Variants in DENND3 observed in about 807,000 individuals in gnomAD.
DENND3 encodes DENN domain-containing protein 3.
A neutral mutation model predicts 135.1 loss-of-function variants in DENND3; 88 were observed. The observed-to-expected ratio is 0.65, with a 90% CI of 0.55 to 0.78. The LOEUF (loss-of-function observed/expected upper bound fraction) is 0.78, where lower values mean the gene tolerates loss of function less well. Ranked by LOEUF, DENND3 falls within the 30% of genes least tolerant of loss-of-function variation. DENND3 has a pLI of 0.00. For synonymous variants in DENND3, 693 were observed against 712.3 expected (o/e 0.97, Z 0.43); for missense variants, 1,392 against 1,688.4 (o/e 0.82, Z 3.08).
At position 141,182,678 on chromosome 8, in the gene DENND3, GAAGCT is replaced by G; in HGVS notation, c.2944+1825_2944+1829del. Among the ~76,000 whole-genome samples, 1 of 152,360 alleles carries G rather than the reference GAAGCT, an allele frequency of 6.6e-6. No homozygotes were observed. The highest frequency in any genetic ancestry group is 1.9e-4 in the East Asian group (1 of 5,188). ...TGCCGATTCTGGAAGGGGTGGCCGA[GAAGCT>G]GGTAGCCGAGCAGGGCTTTTGCAAG... On this transcript the variant is annotated intron_variant, in intron 17 of 22. Transcript: ENST00000519811. The surrounding 1 kb of genome is among the most constrained non-coding windows in gnomAD (Gnocchi z 5.9).
chr8:141,171,431 A>G (rs1202067951), intron 13 of DENND3, among the ~76,000 whole-genome samples: 3 of 152,250 alleles, frequency 2.0e-5, no homozygotes, highest in Non-Finnish European at 4.4e-5. Flanking sequence ...CACCTCCAGC[A>G]TGGCCGTGCA....
intron 5 of DENND3, among the ~76,000 whole-genome samples, chr8:141,147,181 A>G (rs765027016): frequency 6.6e-6 from 1 of 151,876 alleles, no homozygotes; most frequent in Non-Finnish European, 1.5e-5. Flanking sequence ...CAGTTTGCCC[A>G]TTTCCTTGCT....
At chr8:141,153,737 G>GA (rs556571928) in intron 7 of DENND3, among the ~76,000 whole-genome samples, 6 of 152,274 alleles carry the variant, frequency 3.9e-5, no homozygotes, top group Non-Finnish European at 7.3e-5. Context: ...CAGACGAGGA[G>GA]AAAATAAGCT....
At chr8:141,143,275 A>AT (rs922067683) in intron 4 of DENND3, among the ~76,000 whole-genome samples, 8 of 151,982 alleles carry the variant, frequency 5.3e-5, no homozygotes, top group African/African-American at 1.4e-4. Context: ...TTTTTTTTAA[A>AT]TTTTTTTTTA....
chr8:141,182,592 AG>A lies in DENND3; in HGVS notation c.2944+1740del, dbSNP rs776063067. ...GGCTTCCCCTCCAGGAGCATCTCGA[AG>A]GCCTGCAGAGAGCGTGCAAAGCAGC... On this transcript the variant is annotated intron_variant, in intron 17 of 22. Transcript: ENST00000519811. This position sits in a 1 kb window ranked among gnomAD's most constrained non-coding sequence, Gnocchi z 5.9. 2 of 676,490 alleles carry A rather than the reference AG, an allele frequency of 3.0e-6. No individual in the cohort carries two copies. The highest frequency in any genetic ancestry group is 3.6e-6 in the Non-Finnish European group (2 of 548,846). 41.9% of individuals were successfully genotyped at this position (676,490 alleles called of 1,614,324 possible).
rs143479242 is a variant in DENND3 at position 141,174,858 on chromosome 8, C to T, written c.2276-342C>T. Among the ~76,000 whole-genome samples, 1 of 152,166 alleles carries T rather than the reference C, an allele frequency of 6.6e-6. No individual in the cohort carries two copies. Among genetic ancestry groups the T allele is most frequent in the Non-Finnish European group, 1.5e-5 (1 of 68,034 alleles). On this transcript the variant is annotated intron_variant, in intron 13 of 22. Transcript: ENST00000519811. The surrounding 1 kb of genome is among the most constrained non-coding windows in gnomAD (Gnocchi z 4.6). ...CTAGTGATGAGGAAGGTCTTTGCCC[C>T]CATTAGAAGAGTGTCCTTGTCCGGA...
At chr8:141,185,544 A>G in intron 18 of DENND3, 1 of 382,212 alleles carries the variant, frequency 2.6e-6, no homozygotes, top group Non-Finnish European at 4.8e-6. Context: ...CCATCTAAAA[A>G]TAGATTGCAG....
At chr8:141,131,721 A>G (rs1422774037) in intron 1 of DENND3, among the ~76,000 whole-genome samples, 2 of 152,362 alleles carry the variant, frequency 1.3e-5, no homozygotes, top group African/African-American at 2.4e-5. Flanking sequence ...CTGTGACTCA[A>G]GTAAATTAGA....
chr8:141,173,750 C>T (rs562595685), intron 13 of DENND3: 1 of 152,378 alleles, frequency 6.6e-6, no homozygotes, highest in Non-Finnish European at 1.5e-5. Flanking sequence ...AGGTACTCCC[C>T]TTTCAAGCAG....
chr8:141,182,002 T>G lies in DENND3; in HGVS notation c.2944+1148T>G, dbSNP rs915147284. ...AGAGACGGGGTTTCGCCATGTTGCC[T>G]AGGCTGATCTCGAACTCCTGGGCTC... On this transcript the variant is annotated intron_variant, in intron 17 of 22. Transcript: ENST00000519811. This position sits in a 1 kb window ranked among gnomAD's most constrained non-coding sequence, Gnocchi z 5.9. 6.6e-6 allele frequency among the ~76,000 whole-genome samples: 1 copy of G among 150,696 alleles called. No individual in the cohort carries two copies. The highest frequency in any genetic ancestry group is 2.4e-5 in the African/African-American group (1 of 40,872).
chr8:141,156,246 C>T lies in DENND3; in HGVS notation c.1196+276C>T, dbSNP rs143756240. 7.3e-3 allele frequency among the ~76,000 whole-genome samples: 1,113 copies of T among 152,072 alleles called. 18 individuals are homozygous for T. The highest frequency in any genetic ancestry group is 0.026 in the African/African-American group (1,063 of 41,474). ...TCCCAAGTAGCTGGGATTACAGGCG[C>T]CCACCACCATGCCTGGCTAATTTTT... On this transcript the variant is annotated intron_variant, in intron 8 of 22. Transcript: ENST00000519811.
At chr8:141,184,585 C>G (rs900205494) in intron 17 of DENND3, 1 of 152,426 alleles carries the variant, frequency 6.6e-6, no homozygotes, top group Non-Finnish European at 1.5e-5. Context: ...AGCCATCAGG[C>G]TCATTAGCAA....
chr8:141,135,043 G>A (rs1348676330), intron 1 of DENND3, among the ~76,000 whole-genome samples: 1 of 152,042 alleles, frequency 6.6e-6, no homozygotes, highest in Non-Finnish European at 1.5e-5. Flanking sequence ...GTTTCACTGT[G>A]TTAGCCAGGA....
chr8:141,162,083 G>A (rs1820208007), intron 9 of DENND3, among the ~76,000 whole-genome samples: 2 of 152,120 alleles, frequency 1.3e-5, no homozygotes, highest in Non-Finnish European at 2.9e-5. Flanking sequence ...GGGATTACAG[G>A]TGTGAGCCAT....
intron 1 of DENND3, 77 bp from the exon 2 acceptor site, chr8:141,136,432 G>A (rs1816793172): frequency 1.4e-6 from 2 of 1,404,568 alleles, no homozygotes; most frequent in Non-Finnish European, 1.9e-6. Flanking sequence ...AAAACAAGCA[G>A]TGAAGCTCAG....
chr8:141,164,817 G>A (rs1820567056), intron 10 of DENND3, among the ~76,000 whole-genome samples: 1 of 152,200 alleles, frequency 6.6e-6, no homozygotes, highest in East Asian at 1.9e-4. Context: ...CCTGCCTCTC[G>A]TCCAGCATCT....
chr8:141,154,107 C>A lies in DENND3; in HGVS notation c.1075-1742C>A, dbSNP rs1038504529. ...GCTGCTTTAGCGTTTTGTGTATTTGCCTTGTAAGGTTTTGAGGCCAAGAAT... is the reference window on the plus strand; with the variant it reads ...GCTGCTTTAGCGTTTTGTGTATTTGACTTGTAAGGTTTTGAGGCCAAGAAT... On this transcript the variant is annotated intron_variant, in intron 7 of 22. Transcript: ENST00000519811. The surrounding 1 kb of genome is among the most constrained non-coding windows in gnomAD (Gnocchi z 4.4). Among the ~76,000 whole-genome samples the A allele has an allele frequency of 1.3e-5, 2 of 152,176 alleles. No individual in the cohort carries two copies. The highest frequency in any genetic ancestry group is 2.9e-5 in the Non-Finnish European group (2 of 68,038).
chr8:141,179,978 C>T (rs115618924), intron 16 of DENND3, among the ~76,000 whole-genome samples: 2,252 of 152,196 alleles, frequency 0.015, 62 homozygotes, highest in African/African-American at 0.05. Flanking sequence ...CAGGGGCCTC[C>T]GGGCAGCAAT....
At chr8:141,187,169 A>G (rs1314209911) in intron 18 of DENND3, among the ~76,000 whole-genome samples, 2 of 151,732 alleles carry the variant, frequency 1.3e-5, no homozygotes, top group Admixed American at 1.3e-4. Context: ...CTTGAGCATG[A>G]TAGGATTTTT....
Sources: allele counts gnomAD v4.1 joint callset (sites outside exome capture counted in the v4.1 genomes callset), GRCh38; gene constraint gnomAD v4.1.1; non-coding constraint Gnocchi (gnomAD v3.1); transcripts MANE v1.5; gene names NCBI Gene and HGNC (gene_info 2026-07-23, HGNC 2026-07-21).